The following KREMEN1 variants were observed in gnomAD, a reference collection of about 807,000 sequenced individuals.
KREMEN1 encodes the protein kringle containing transmembrane protein 1.
In KREMEN1, 30 loss-of-function variants were observed where a neutral mutation model predicts 46.5. The ratio of observed to expected loss-of-function variants is 0.65; its 90% CI spans 0.48 to 0.88. The LOEUF (loss-of-function observed/expected upper bound fraction) is 0.88, where lower values mean the gene tolerates loss of function less well. Ranked by LOEUF, KREMEN1 falls within the 40% of genes least tolerant of loss-of-function variation. The pLI, the probability that KREMEN1 is intolerant of heterozygous loss-of-function variation, is 0.00. For missense variants in KREMEN1, 533 were observed against 596.9 expected, an observed-to-expected ratio of 0.89 and a Z score of 1.11; for synonymous variants, 214 against 230.6, an observed-to-expected ratio of 0.93 and a Z score of 0.65.
intron 3 of KREMEN1, among the ~76,000 whole-genome samples, chr22:29,105,967 A>C (rs756153608): frequency 9.9e-5 from 15 of 152,248 alleles, no homozygotes; most frequent in Non-Finnish European, 1.6e-4. Context: ...TTTGCCTTAC[A>C]AAAGTCAGCC....
chr22:29,160,248 C>T (rs1477332791), intron 9 of KREMEN1, among the ~76,000 whole-genome samples: 2 of 151,786 alleles, frequency 1.3e-5, no homozygotes, highest in African/African-American at 2.4e-5. Flanking sequence ...AAGAAGATTT[C>T]GGCTGGGTGT....
intron 1 of KREMEN1, among the ~76,000 whole-genome samples, chr22:29,089,148 A>G (rs1251142823): frequency 6.6e-6 from 1 of 152,182 alleles, no homozygotes; most frequent in Non-Finnish European, 1.5e-5. Flanking sequence ...CTTTAGCCTC[A>G]GCCTTTTTCC....
intron 9 of KREMEN1, among the ~76,000 whole-genome samples, chr22:29,160,818 T>C (rs1179641145): frequency 6.6e-6 from 1 of 152,012 alleles, no homozygotes; most frequent in Non-Finnish European, 1.5e-5. Flanking sequence ...ATAGAGGAAC[T>C]AGAAAAACAA....
chr22:29,078,284 A>G (rs1414361950), intron 1 of KREMEN1, among the ~76,000 whole-genome samples: 1 of 152,066 alleles, frequency 6.6e-6, no homozygotes, highest in Non-Finnish European at 1.5e-5. Flanking sequence ...ACAAACAAAA[A>G]CACCTTGAAA....
chr22:29,089,541 T>A (rs2037777800), intron 1 of KREMEN1, among the ~76,000 whole-genome samples: 1 of 152,198 alleles, frequency 6.6e-6, no homozygotes, highest in African/African-American at 2.4e-5. Context: ...GTCCTGCCTG[T>A]CAGTTGTTTT....
In KREMEN1 at chr22:29,073,762, C is replaced by T. The variant is rs117554223; in HGVS notation, c.97+535C>T. ...CCCACGGGCCAGGAGGCCCCCTGCT[C>T]CCCGGTACCTCCTGGGATCCCGTCC... On this transcript the variant is annotated intron_variant, in intron 1 of 8. Transcript: ENST00000400335. The surrounding 1 kb of genome is among the most constrained non-coding windows in gnomAD (Gnocchi z 4.4). 4.7e-3 allele frequency among the ~76,000 whole-genome samples: 711 copies of T among 151,918 alleles called. 3 individuals carry two copies. The highest frequency in any genetic ancestry group is 0.017 in the Middle Eastern group (5 of 294).
chr22:29,118,855 C>T (rs1021505886), intron 3 of KREMEN1, among the ~76,000 whole-genome samples: 2 of 152,170 alleles, frequency 1.3e-5, no homozygotes, highest in Non-Finnish European at 2.9e-5. Context: ...CCAGACACCA[C>T]CTGGGGGTCC....
At chr22:29,074,735 G>T (rs939881475) in intron 1 of KREMEN1, among the ~76,000 whole-genome samples, 1 of 152,192 alleles carries the variant, frequency 6.6e-6, no homozygotes, top group Non-Finnish European at 1.5e-5. Context: ...TTACTCATTG[G>T]CTTGGATTAG....
At chr22:29,150,145 A>G (rs576552198), downstream of KREMEN1, among the ~76,000 whole-genome samples, 10 of 152,344 alleles carry the variant, frequency 6.6e-5, no homozygotes, top group East Asian at 1.9e-3. Flanking sequence ...TGTAGCTGGA[A>G]GTCTTCATTT....
At chr22:29,123,032 A>G (rs549692357) in intron 4 of KREMEN1, among the ~76,000 whole-genome samples, 1 of 151,804 alleles carries the variant, frequency 6.6e-6, no homozygotes, top group Non-Finnish European at 1.5e-5. Context: ...GAACTTAAAC[A>G]CAAGACTACA....
rs1271775410 is a variant in KREMEN1, at chr22:29,121,345, T to C, written c.353-12T>C. On this transcript the variant is annotated splice_polypyrimidine_tract_variant and intron_variant, in intron 3 of 8. Transcript: ENST00000400335. The stretch of plus-strand genomic sequence containing the variant: ...ATGTTGCGAAATTCTTTTGTTTTTC[T>C]TTTTTCTTTAGTGCCTGGAAACCTT... The C allele has an allele frequency of 1.9e-6, 3 of 1,612,550 alleles. No homozygotes were observed. The highest frequency in any genetic ancestry group is 3.3e-5 in the Admixed American group (2 of 59,736).
At position 29,138,715 on chromosome 22, in the gene KREMEN1, T is replaced by C; in HGVS notation, c.1056T>C (p.Ala352=). 2 of 1,614,242 alleles carry C rather than the reference T, an allele frequency of 1.2e-6. No homozygotes were observed. The highest frequency in any genetic ancestry group is 1.1e-5 in the South Asian group (1 of 91,086). Reference sequence around the variant, plus strand: ...AGCAGGCCAACCTCAGTGTCAGCGCTGCCCGGTCCTCCAAAGTCCTCTATG... The same window carrying C: ...AGCAGGCCAACCTCAGTGTCAGCGCCGCCCGGTCCTCCAAAGTCCTCTATG... The part of the protein sequence containing the change: ...ITEQANLSVS[A]ARSSKVLYVI... The change falls in exon 7 of 9, where the codon GCT becomes GCC. Residue 352 remains alanine, a synonymous_variant. Coordinates refer to ENST00000400335, the MANE Select transcript of KREMEN1 (RefSeq NM_001039570.3).
At chr22:29,121,512 A>G (rs746613762) in intron 4 of KREMEN1, 31 bp downstream of exon 4, 3 of 1,607,382 alleles carry the variant, frequency 1.9e-6, no homozygotes, top group East Asian at 2.2e-5. Flanking sequence ...TAACTATAGA[A>G]AAATATAAAG....
rs2038598046 is a variant in KREMEN1, at chr22:29,133,361, G to A, written c.632-3981G>A. ...GTCACCCAGGCTAGAGTGCAGTAGT[G>A]CAGTCATGGCCCACTGCAGCCTCGA... On this transcript the variant is annotated intron_variant, in intron 5 of 8. Coordinates refer to ENST00000400335, the MANE Select transcript of KREMEN1 (RefSeq NM_001039570.3). 2.0e-5 allele frequency among the ~76,000 whole-genome samples: 3 copies of A among 151,352 alleles called. No homozygotes were observed. In the South Asian group the frequency reaches 6.3e-4, roughly 32 times the overall value.
chr22:29,106,482 G>A (rs1310787607), intron 3 of KREMEN1, among the ~76,000 whole-genome samples: 1 of 151,916 alleles, frequency 6.6e-6, no homozygotes, highest in Admixed American at 6.6e-5. Context: ...GCCCGCCTCG[G>A]CCTCCCAACA....
At chr22:29,113,239 CTTT>C (rs2038179603) in intron 3 of KREMEN1, among the ~76,000 whole-genome samples, 1 of 152,224 alleles carries the variant, frequency 6.6e-6, no homozygotes, top group Non-Finnish European at 1.5e-5. Context: ...CTGGTTTCTT[CTTT>C]GTCCAGTAGG....
intron 3 of KREMEN1, among the ~76,000 whole-genome samples, chr22:29,117,502 G>C (rs918195366): frequency 6.6e-6 from 1 of 151,734 alleles, no homozygotes; most frequent in Admixed American, 6.6e-5. Context: ...GGGAGGCGGA[G>C]CTTGCAGTGA....
chr22:29,131,522 T>TTATA (rs2038532473), intron 5 of KREMEN1, among the ~76,000 whole-genome samples: 1 of 32,716 alleles, frequency 3.1e-5, no homozygotes, highest in African/African-American at 1.3e-4. Context: ...TGTATTCTGT[T>TTATA]CATATATATA....
At chr22:29,128,186 C>A (rs2038476066) in intron 5 of KREMEN1, among the ~76,000 whole-genome samples, 1 of 152,132 alleles carries the variant, frequency 6.6e-6, no homozygotes, top group Non-Finnish European at 1.5e-5. Flanking sequence ...TGTGGATATA[C>A]TGAATACCAC....
Sources: gnomAD v4.1 joint callset for allele counts (sites outside exome capture counted in the v4.1 genomes callset) on GRCh38, gnomAD v4.1.1 for gene constraint, Gnocchi (gnomAD v3.1) non-coding constraint, MANE v1.5 for transcripts, NCBI Gene and HGNC (gene_info 2026-07-23, HGNC 2026-07-21) for gene names.